Variants in SAMD12 observed in about 807,000 individuals in gnomAD.
The protein encoded by SAMD12 is sterile alpha motif domain containing 12.
In SAMD12, 9 loss-of-function variants were observed where a neutral mutation model predicts 15.0. The ratio of observed to expected loss-of-function variants is 0.60; its 90% confidence interval spans 0.36 to 1.05. The LOEUF (loss-of-function observed/expected upper bound fraction) is 1.05, where lower values mean the gene tolerates loss of function less well. Ranked by LOEUF, SAMD12 falls within the 50% of genes least tolerant of loss-of-function variation. The pLI is 0.01. For missense variants in SAMD12, 230 were observed against 234.2 expected (o/e 0.98, Z 0.12); for synonymous variants, 86 against 90.1 (o/e 0.96, Z 0.25).
intron 4 of SAMD12, among the ~76,000 whole-genome samples, chr8:118,235,436 C>T (rs1024569642): frequency 1.3e-5 from 2 of 152,136 alleles, no homozygotes; most frequent in Non-Finnish European, 2.9e-5. Flanking sequence ...GTCTCGATCT[C>T]TTGACCTTGT....
At chr8:118,568,502 T>C (rs1826912388) in intron 2 of SAMD12, among the ~76,000 whole-genome samples, 1 of 152,182 alleles carries the variant, frequency 6.6e-6, no homozygotes, top group Non-Finnish European at 1.5e-5. Context: ...ATTAACAAGA[T>C]CATTCTGGTT....
At chr8:118,133,669 A>G in the SAMD12 span, among the ~76,000 whole-genome samples, 3 of 151,988 alleles carry the variant, frequency 2.0e-5, no homozygotes, top group African/African-American at 7.3e-5. Context: ...ACAGCTCAAC[A>G]TGTCAGGTAG....
intron 3 of SAMD12, among the ~76,000 whole-genome samples, chr8:118,427,638 A>G (rs1226086258): frequency 6.6e-6 from 1 of 152,088 alleles, no homozygotes; most frequent in Non-Finnish European, 1.5e-5. Context: ...GTTCCTTTTT[A>G]TAGTTGAGTA....
At chr8:118,555,982 C>T (rs148226027) in intron 2 of SAMD12, among the ~76,000 whole-genome samples, 42 of 152,224 alleles carry the variant, frequency 2.8e-4, no homozygotes, top group South Asian at 4.2e-4. Flanking sequence ...CTATCCTTAT[C>T]GTTAGTGATG....
chr8:118,491,023 C>G (rs369720105), intron 2 of SAMD12, among the ~76,000 whole-genome samples: 6 of 152,198 alleles, frequency 3.9e-5, no homozygotes, highest in East Asian at 3.9e-4. Flanking sequence ...CAAGCACTGT[C>G]TTCCCATTGC....
At chr8:118,276,489 T>C (rs1813477795) in intron 4 of SAMD12, among the ~76,000 whole-genome samples, 1 of 152,234 alleles carries the variant, frequency 6.6e-6, no homozygotes, top group Non-Finnish European at 1.5e-5. Context: ...CCATTTTGTG[T>C]GTCCCATAAA....
intron 4 of SAMD12, among the ~76,000 whole-genome samples, chr8:118,204,013 C>T (rs1819791630): frequency 1.3e-5 from 2 of 151,898 alleles, no homozygotes; most frequent in South Asian, 2.1e-4. Context: ...AAGTGTGCCT[C>T]GTGTATGTAC....
At chr8:118,426,299 C>G (rs1343221357) in intron 3 of SAMD12, among the ~76,000 whole-genome samples, 1 of 152,150 alleles carries the variant, frequency 6.6e-6, no homozygotes, top group African/African-American at 2.4e-5. Flanking sequence ...GGTAAGTGCT[C>G]AGCTCCTCTA....
At chr8:118,483,074 T>C (rs1373367623) in intron 2 of SAMD12, among the ~76,000 whole-genome samples, 1 of 152,222 alleles carries the variant, frequency 6.6e-6, no homozygotes. Context: ...AATATAATCA[T>C]GCTAGCTTTA....
intron 3 of SAMD12, among the ~76,000 whole-genome samples, chr8:118,413,915 T>C (rs1174451887): frequency 7.8e-6 from 1 of 127,608 alleles, no homozygotes; most frequent in Admixed American, 9.1e-5. Flanking sequence ...AATTGAGCAA[T>C]TTGGTGCAGG....
At chr8:118,446,463 C>T (rs1822915830) in intron 2 of SAMD12, among the ~76,000 whole-genome samples, 1 of 152,112 alleles carries the variant, frequency 6.6e-6, no homozygotes, top group Non-Finnish European at 1.5e-5. Context: ...GTGTAAACAA[C>T]TTTACTTGGG....
Position 118,379,675 on chromosome 8 carries a change from G to A in SAMD12, c.348C>T (p.Asp116=). Residue 116 remains aspartate, a synonymous_variant, in exon 4 of 4, where the codon GAC becomes GAT. Transcript: ENST00000314727. ...CAATCCCCATTCGCTCGAGCTTTTT[G>A]TCAGTAAGTCTCAGCAGGGCTCGCC... ...ITGRALLRLT[D]KKLERMGIAQ... is the part of the protein sequence containing the mutation. 6.2e-7 allele frequency: 1 copy of A among 1,613,864 alleles called. No homozygotes were observed. Among genetic ancestry groups the A allele is most frequent in the South Asian group, 1.1e-5 (1 of 91,078 alleles).
intron 4 of SAMD12, among the ~76,000 whole-genome samples, chr8:118,344,102 C>A (rs1320641012): frequency 6.6e-6 from 1 of 152,222 alleles, no homozygotes; most frequent in Non-Finnish European, 1.5e-5. Context: ...TCAATCCAAA[C>A]ATGGATGTGG....
Position 118,316,214 on chromosome 8 carries a change from C to T in SAMD12, c.433+63346G>A, listed in dbSNP as rs79953772. 1.7e-3 allele frequency among the ~76,000 whole-genome samples: 253 copies of T among 152,054 alleles called. 2 individuals carry two copies. The highest frequency in any genetic ancestry group is 6.0e-3 in the African/African-American group (247 of 41,454). ...GTGAAAACCAGTTCCATTATCTTGA[C>T]CCTCAGCCATATCAAGAGCATATAA... On this transcript the variant is annotated intron_variant, in intron 4 of 4. Coordinates refer to the SAMD12 transcript ENST00000409003.
intron 2 of SAMD12, among the ~76,000 whole-genome samples, chr8:118,553,020 G>C (rs866488333): frequency 6.6e-6 from 1 of 151,924 alleles, no homozygotes; most frequent in African/African-American, 2.4e-5. Flanking sequence ...CACTGCTCAA[G>C]GAAATAAAAG....
At chr8:118,143,810 A>G in the SAMD12 span, among the ~76,000 whole-genome samples, 7 of 152,220 alleles carry the variant, frequency 4.6e-5, no homozygotes, top group Non-Finnish European at 8.8e-5. Context: ...AAACACGGAG[A>G]GGACTGAGGT....
intron 2 of SAMD12, among the ~76,000 whole-genome samples, chr8:118,452,465 C>T (rs1823112966): frequency 6.6e-6 from 1 of 152,162 alleles, no homozygotes; most frequent in African/African-American, 2.4e-5. Flanking sequence ...TACTAGGTTT[C>T]ATACAATTAG....
At chr8:118,261,886 C>CT (rs569792304) in intron 4 of SAMD12, among the ~76,000 whole-genome samples, 233 of 144,466 alleles carry the variant, frequency 1.6e-3, no homozygotes, top group South Asian at 0.013. Context: ...AAATTGACAT[C>CT]TTTTTTTTTT....
chr8:118,548,416 CA>C (rs1563576375), intron 2 of SAMD12, among the ~76,000 whole-genome samples: 6,126 of 148,290 alleles, frequency 0.041, 170 homozygotes, highest in Non-Finnish European at 0.052. Context: ...CACACACACA[CA>C]CACACACCCC....
Sources: gnomAD v4.1 joint callset for allele counts (sites outside exome capture counted in the v4.1 genomes callset) on GRCh38, gnomAD v4.1.1 for gene constraint, MANE v1.5 for transcripts, NCBI Gene and HGNC (gene_info 2026-07-23, HGNC 2026-07-21) for gene names.